Variants in GSDME observed in about 807,000 individuals in gnomAD.
GSDME encodes the protein gasdermin-E.
A neutral mutation model predicts 47.5 loss-of-function variants in GSDME; 44 were observed. The ratio of observed to expected loss-of-function variants is 0.93; its 90% CI spans 0.73 to 1.19. GSDME has a LOEUF of 1.19. Ranked by LOEUF, GSDME falls within the 50% of genes most tolerant of loss-of-function variation. GSDME has a pLI of 0.00. For missense variants in GSDME, 663 were observed against 604.2 expected (o/e 1.10, Z -1.02); for synonymous variants, 258 against 252.8 (o/e 1.02, Z -0.20).
Position 24,756,947 on chromosome 7 carries a change from C to T in GSDME, c.-20+449G>A, listed in dbSNP as rs553233300. ...CCGTATCTGTTCCGCGGTCCGCCTCCCTGCACACACGCCCCCGAGCCGGGA... is the reference window on the plus strand; with the variant it reads ...CCGTATCTGTTCCGCGGTCCGCCTCTCTGCACACACGCCCCCGAGCCGGGA... On this transcript the variant is annotated intron_variant, in intron 1 of 9. Coordinates refer to ENST00000645220, the MANE Select transcript of GSDME (RefSeq NM_001127453.2). This position sits in a 1 kb window ranked among gnomAD's most constrained non-coding sequence, Gnocchi z 4.2. Among the ~76,000 whole-genome samples the T allele has an allele frequency of 2.6e-5, 4 of 152,266 alleles. No homozygotes were observed. In the East Asian group the frequency reaches 7.7e-4, roughly 29 times the overall value.
chr7:24,708,446 G>A (rs1431823358), intron 6 of GSDME, among the ~76,000 whole-genome samples, 192 bp from the exon 7 acceptor site: 2 of 152,180 alleles, frequency 1.3e-5, no homozygotes, highest in Admixed American at 6.5e-5. Context: ...ATAACCAAAG[G>A]GAGGGAGGAG....
the GSDME span, among the ~76,000 whole-genome samples, chr7:24,784,409 C>T: frequency 6.6e-6 from 1 of 152,222 alleles, no homozygotes; most frequent in Non-Finnish European, 1.5e-5. Flanking sequence ...TCCAAAGCCT[C>T]AAAAGTAGGG....
intron 5 of GSDME, among the ~76,000 whole-genome samples, chr7:24,715,010 A>G (rs891831791): frequency 6.6e-6 from 1 of 152,254 alleles, no homozygotes; most frequent in East Asian, 1.9e-4. Context: ...TATTTACACA[A>G]TGGAATACTT....
rs1218849884 is a variant in GSDME at position 24,732,543 on chromosome 7, G to C, written c.404+12019C>G. On this transcript the variant is annotated intron_variant, in intron 3 of 9. Coordinates refer to ENST00000645220, the MANE Select transcript of GSDME (RefSeq NM_001127453.2). This position sits in a 1 kb window ranked among gnomAD's most constrained non-coding sequence, Gnocchi z 4.8. ...AAGAGGCACTGAAGAGGGTAGGAAA[G>C]GCAGTCTTGAATTGCCAACACCACC... 6.6e-6 allele frequency among the ~76,000 whole-genome samples: 1 copy of C among 152,236 alleles called. No homozygotes were observed. The highest frequency in any genetic ancestry group is 1.5e-5 in the Non-Finnish European group (1 of 68,046).
chr7:24,743,715 G>A (rs933302307), intron 3 of GSDME, among the ~76,000 whole-genome samples: 8 of 152,030 alleles, frequency 5.3e-5, no homozygotes, highest in African/African-American at 1.2e-4. Context: ...TGCCCACAGC[G>A]TCCTGCCCAG....
In GSDME at chr7:24,725,488, C is replaced by T. The variant is rs950688708; in HGVS notation, c.405-6270G>A. Among the ~76,000 whole-genome samples the T allele has an allele frequency of 3.3e-5, 5 of 152,014 alleles. No individual in the cohort carries two copies. Among genetic ancestry groups the T allele is most frequent in the East Asian group, 3.9e-4 (2 of 5,178 alleles). ...TAAACAAGGAAGGGGTTTATTCGGC[C>T]GGGAGCGTCGGCAAGACTCCTGTCT... is the stretch of plus-strand genomic sequence containing the variant. On this transcript the variant is annotated intron_variant, in intron 3 of 9. Transcript: ENST00000645220. This position sits in a 1 kb window ranked among gnomAD's most constrained non-coding sequence, Gnocchi z 5.1.
Position 24,735,068 on chromosome 7 carries a change from C to T in GSDME, c.404+9494G>A, listed in dbSNP as rs1057431578. Among the ~76,000 whole-genome samples, 1 of 152,164 alleles carries T rather than the reference C, an allele frequency of 6.6e-6. No individual in the cohort carries two copies. The highest frequency in any genetic ancestry group is 2.4e-5 in the African/African-American group (1 of 41,430). On this transcript the variant is annotated intron_variant, in intron 3 of 9. Transcript: ENST00000645220. This position sits in a 1 kb window ranked among gnomAD's most constrained non-coding sequence, Gnocchi z 4.4. ...AAAGCAGCAAGAAACTAACTGCATA[C>T]AATGGAGCTCCAATATGTTTGGCAG...
rs1205396754 is a variant in GSDME at position 24,736,997 on chromosome 7, G to C, written c.404+7565C>G. On this transcript the variant is annotated intron_variant, in intron 3 of 9. Coordinates refer to ENST00000645220, the MANE Select transcript of GSDME (RefSeq NM_001127453.2). This position sits in a 1 kb window ranked among gnomAD's most constrained non-coding sequence, Gnocchi z 4.6. Reference sequence around the variant, plus strand: ...AGAAACACAACAGCAAAACCTATGGGGTACATCAAAAGCAGTACTAAGAGG... The same window carrying C: ...AGAAACACAACAGCAAAACCTATGGCGTACATCAAAAGCAGTACTAAGAGG... Among the ~76,000 whole-genome samples the C allele has an allele frequency of 6.6e-6, 1 of 151,592 alleles. No individual in the cohort carries two copies. Among genetic ancestry groups the C allele is most frequent in the Non-Finnish European group, 1.5e-5 (1 of 67,852 alleles).
the GSDME span, among the ~76,000 whole-genome samples, chr7:24,772,295 A>C: frequency 6.6e-6 from 1 of 152,138 alleles, no homozygotes; most frequent in Non-Finnish European, 1.5e-5. The surrounding 1 kb of genome is among the most constrained non-coding windows in gnomAD (Gnocchi z 4.5). Flanking sequence ...ATCTCAGCTT[A>C]ATCTTCTCTT....
the GSDME span, among the ~76,000 whole-genome samples, chr7:24,765,088 C>T: frequency 6.6e-6 from 1 of 152,178 alleles, no homozygotes; most frequent in Non-Finnish European, 1.5e-5. Flanking sequence ...CTTCAAAGTT[C>T]CCCAAATCCA....
At chr7:24,764,294 C>A in the GSDME span, among the ~76,000 whole-genome samples, 1 of 152,162 alleles carries the variant, frequency 6.6e-6, no homozygotes, top group Admixed American at 6.5e-5. The surrounding 1 kb of genome is among the most constrained non-coding windows in gnomAD (Gnocchi z 4.4). Context: ...AGAAAACAAC[C>A]CTGCAAGTAG....
chr7:24,786,442 G>C, the GSDME span, among the ~76,000 whole-genome samples: 2 of 152,196 alleles, frequency 1.3e-5, no homozygotes, highest in Admixed American at 1.3e-4. This position sits in a 1 kb window ranked among gnomAD's most constrained non-coding sequence, Gnocchi z 5.5. Flanking sequence ...AGTTGTGAGA[G>C]TTTGGTCAAG....
rs145385932 is a variant in GSDME at position 24,734,000 on chromosome 7, G to T, written c.404+10562C>A. Among the ~76,000 whole-genome samples the T allele has an allele frequency of 2.7e-3, 418 of 152,342 alleles. 3 individuals carry two copies. Among genetic ancestry groups the T allele is most frequent in the African/African-American group, 9.7e-3 (402 of 41,576 alleles). ...AAGATCCAGAGCTGTGGTGGCTTCA[G>T]TTCTGACCAGTGCAGTCCCAGTGGT... is the stretch of plus-strand genomic sequence containing the variant. On this transcript the variant is annotated intron_variant, in intron 3 of 9. Coordinates refer to ENST00000645220, the MANE Select transcript of GSDME (RefSeq NM_001127453.2). This position sits in a 1 kb window ranked among gnomAD's most constrained non-coding sequence, Gnocchi z 4.3.
intron 7 of GSDME, chr7:24,707,849 A>C: frequency 7.0e-6 from 4 of 571,018 alleles, no homozygotes; most frequent in Non-Finnish European, 9.3e-6. Context: ...GCAGACACCT[A>C]GACTTTGGAC....
At position 24,699,018 on chromosome 7, in the gene GSDME, A is replaced by G; in HGVS notation, c.*8T>C. The G allele has an allele frequency of 1.3e-6, 2 of 1,590,768 alleles. No homozygotes were observed. The highest frequency in any genetic ancestry group is 2.2e-5 in the East Asian group (1 of 44,692). On this transcript the variant is annotated 3_prime_UTR_variant, in exon 10 of 10. Coordinates refer to ENST00000645220, the MANE Select transcript of GSDME (RefSeq NM_001127453.2). ...CCAGTAACACGTACTTCTAGTTCAC[A>G]TATGACATCATGAATGTTCTCTGCC...
At chr7:24,734,177 G>A (rs1790228645) in intron 3 of GSDME, among the ~76,000 whole-genome samples, 1 of 152,156 alleles carries the variant, frequency 6.6e-6, no homozygotes, top group Admixed American at 6.5e-5. Flanking sequence ...AGACCACCAA[G>A]GTGGTACCTC....
chr7:24,792,842 C>T, the GSDME span, among the ~76,000 whole-genome samples: 6 of 151,986 alleles, frequency 3.9e-5, no homozygotes, highest in African/African-American at 1.5e-4. Flanking sequence ...AATTTTCAGG[C>T]TGGTGCTGGT....
At chr7:24,707,617 T>G in intron 7 of GSDME, 1 of 355,144 alleles carries the variant, frequency 2.8e-6, no homozygotes, top group East Asian at 7.2e-5. Context: ...CAAAATGAGA[T>G]CATCCTAGAT....
intron 3 of GSDME, among the ~76,000 whole-genome samples, chr7:24,734,533 A>G (rs1188347557): frequency 6.6e-6 from 1 of 152,248 alleles, no homozygotes; most frequent in Non-Finnish European, 1.5e-5. Context: ...AGGAAACTCA[A>G]AGAAATTCAA....
Sources: allele counts gnomAD v4.1 joint callset (sites outside exome capture counted in the v4.1 genomes callset), GRCh38; gene constraint gnomAD v4.1.1; non-coding constraint Gnocchi (gnomAD v3.1); transcripts MANE v1.5; gene names NCBI Gene and HGNC (gene_info 2026-07-23, HGNC 2026-07-21).